Variants in UNC5C observed in about 807,000 individuals in gnomAD.
UNC5C encodes the protein unc-5 netrin receptor C.
UNC5C carries 47 observed loss-of-function variants against 99.8 expected under a neutral mutation model. The observed-to-expected ratio is 0.47, with a 90% CI of 0.37 to 0.60. The LOEUF (loss-of-function observed/expected upper bound fraction) is 0.60, where lower values mean the gene tolerates loss of function less well. Among genes scored for constraint, UNC5C ranks in the 20% least tolerant of loss-of-function variants. The pLI, the probability that UNC5C is intolerant of heterozygous loss-of-function variation, is 0.00. For missense variants in UNC5C, 1,062 were observed against 1,165.9 expected (o/e 0.91, Z 1.30); for synonymous variants, 487 against 452.2 (o/e 1.08, Z -0.98).
At chr4:95,179,272 CAGA>C (rs1471611094) in intron 14 of UNC5C, among the ~76,000 whole-genome samples, 1 of 152,156 alleles carries the variant, frequency 6.6e-6, no homozygotes, top group Non-Finnish European at 1.5e-5. Context: ...TTATGGAAAG[CAGA>C]AGATGTAAAC....
intron 1 of UNC5C, among the ~76,000 whole-genome samples, chr4:95,371,423 TG>T (rs750299959): frequency 2.9e-4 from 9 of 30,928 alleles, no homozygotes; most frequent in East Asian, 4.9e-3. Context: ...GTATATTTTG[TG>T]GGGGGGGGGG....
At chr4:95,384,387 A>G (rs1258820504) in intron 1 of UNC5C, among the ~76,000 whole-genome samples, 1 of 152,130 alleles carries the variant, frequency 6.6e-6, no homozygotes, top group Admixed American at 6.5e-5. Context: ...CATGCAGGGG[A>G]AAAGTTTAGA....
At position 95,242,568 on chromosome 4, in the gene UNC5C, G is replaced by A. The variant is rs767565202; in HGVS notation, c.969C>T (p.Ser323=). 1.9e-6 allele frequency: 3 copies of A among 1,594,476 alleles called. No homozygotes were observed. Among genetic ancestry groups the A allele is most frequent in the South Asian group, 2.3e-5 (2 of 88,452 alleles). ...ACTCAGTTCCACAAGTAGACCACTT[G>A]CTCCATGGCGTCCACCTGCCATCCA... is the stretch of plus-strand genomic sequence containing the variant. The part of the protein sequence containing the change: ...CPVDGRWTPW[S]KWSTCGTECT... The change falls in exon 7 of 16, where the codon AGC becomes AGT. Residue 323 remains serine, a synonymous_variant. Transcript: ENST00000453304.
At position 95,168,224 on chromosome 4, in the gene UNC5C, A is replaced by C. The variant is rs150436497; in HGVS notation, c.*1010T>G. On this transcript the variant is annotated 3_prime_UTR_variant, in exon 16 of 16. Coordinates refer to ENST00000453304, the MANE Select transcript of UNC5C (RefSeq NM_003728.4). Reference sequence around the variant, plus strand: ...GAACAGACTGACAAAGCCATTCAGCATTTATCAATCACCTTTCTGGGGTGG... The same window carrying C: ...GAACAGACTGACAAAGCCATTCAGCCTTTATCAATCACCTTTCTGGGGTGG... The C allele has an allele frequency of 1.1e-3, 167 of 152,348 alleles. No individual in the cohort carries two copies. Among genetic ancestry groups the C allele is most frequent in the African/African-American group, 3.7e-3 (152 of 41,580 alleles). The allele number at this position is 152,348 out of a possible 1,614,324, so 9.4% of individuals were successfully genotyped here. A position where few individuals can be genotyped will look rare whatever the true frequency, so the allele number is the denominator to read the frequency against.
intron 1 of UNC5C, among the ~76,000 whole-genome samples, chr4:95,420,311 T>G (rs1746280735): frequency 6.6e-6 from 1 of 152,162 alleles, no homozygotes; most frequent in South Asian, 2.1e-4. Flanking sequence ...CCAGGAAGGT[T>G]TAGTCTACTG....
chr4:95,344,273 G>A (rs1310419022), intron 1 of UNC5C, among the ~76,000 whole-genome samples: 1 of 152,050 alleles, frequency 6.6e-6, no homozygotes, highest in African/African-American at 2.4e-5. Context: ...TACAGGCCAG[G>A]ATAGAGTGGC....
chr4:95,207,725 G>A (rs1382091214), intron 10 of UNC5C, among the ~76,000 whole-genome samples: 4 of 152,058 alleles, frequency 2.6e-5, no homozygotes, highest in South Asian at 4.2e-4. Context: ...GAAGTCATTC[G>A]GCAGCACCTT....
intron 1 of UNC5C, among the ~76,000 whole-genome samples, chr4:95,518,078 C>T (rs989530933): frequency 4.6e-5 from 7 of 152,064 alleles, no homozygotes; most frequent in African/African-American, 7.2e-5. Flanking sequence ...AGATAGTGAA[C>T]GTGTTATTCA....
intron 2 of UNC5C, among the ~76,000 whole-genome samples, chr4:95,317,460 G>C (rs1000105910): frequency 6.6e-6 from 1 of 150,932 alleles, no homozygotes; most frequent in Non-Finnish European, 1.5e-5. Flanking sequence ...GTATATGTGC[G>C]TGTGTAAAGG....
chr4:95,441,427 G>C (rs902024295), intron 1 of UNC5C, among the ~76,000 whole-genome samples: 2 of 152,110 alleles, frequency 1.3e-5, no homozygotes, highest in African/African-American at 4.8e-5. Flanking sequence ...GAATAACGAA[G>C]GAGGACTCTG....
intron 1 of UNC5C, among the ~76,000 whole-genome samples, chr4:95,484,814 CA>C (rs1485778939): frequency 4.6e-4 from 70 of 151,928 alleles, no homozygotes; most frequent in African/African-American, 1.2e-3. Flanking sequence ...TCTGAGATGA[CA>C]GTGGCTTGGA....
chr4:95,181,107 C>T (rs1736594383), intron 14 of UNC5C, among the ~76,000 whole-genome samples: 1 of 152,158 alleles, frequency 6.6e-6, no homozygotes, highest in Admixed American at 6.5e-5. Flanking sequence ...GGAAAAGCCG[C>T]AGAGTGCCCC....
At chr4:95,179,171 C>CGTGG in intron 14 of UNC5C, among the ~76,000 whole-genome samples, 1 of 152,296 alleles carries the variant, frequency 6.6e-6, no homozygotes, top group South Asian at 2.1e-4. Flanking sequence ...CAGGACTCCA[C>CGTGG]AGTCCTGAAA....
At chr4:95,345,841 G>A (rs1386836001) in intron 1 of UNC5C, among the ~76,000 whole-genome samples, 1 of 151,858 alleles carries the variant, frequency 6.6e-6, no homozygotes, top group Non-Finnish European at 1.5e-5. Flanking sequence ...AAACCTATGG[G>A]ATATGGCAAA....
Position 95,170,186 on chromosome 4 carries a change from C to T in UNC5C, c.2598G>A (p.Trp866Ter), listed in dbSNP as rs749626575. Residue 866 changes from tryptophan to a stop codon, truncating the protein, a stop_gained, in exon 15 of 16, where the codon TGG becomes TGA. Transcript: ENST00000453304. LOFTEE classifies it high-confidence loss of function. ...LDAPQTRGHD[W>*]RMLAHKLNLD... ...GGTTCAGCTTATGGGCCAGCATCCT[C>T]CAGTCATGGCCTCTCGTCTGGGGGG... is the stretch of plus-strand genomic sequence containing the variant. The T allele has an allele frequency of 6.2e-7, 1 of 1,614,150 alleles. No individual in the cohort carries two copies. Among genetic ancestry groups the T allele is most frequent in the Non-Finnish European group, 8.5e-7 (1 of 1,180,024 alleles).
intron 12 of UNC5C, among the ~76,000 whole-genome samples, chr4:95,191,348 T>A (rs534645969): frequency 1.3e-5 from 2 of 152,184 alleles, no homozygotes; most frequent in Admixed American, 1.3e-4. Context: ...GAGTGGCATA[T>A]ACTTGGATGC....
At chr4:95,425,210 T>A (rs1272155773) in intron 1 of UNC5C, among the ~76,000 whole-genome samples, 1 of 152,228 alleles carries the variant, frequency 6.6e-6, no homozygotes, top group Non-Finnish European at 1.5e-5. Flanking sequence ...CTATATTATC[T>A]CAGATTTACA....
At chr4:95,274,600 C>G (rs939963992) in intron 4 of UNC5C, among the ~76,000 whole-genome samples, 9 of 152,112 alleles carry the variant, frequency 5.9e-5, no homozygotes, top group African/African-American at 2.2e-4. Context: ...TTGTCACACT[C>G]TTTCCCTGGG....
At chr4:95,477,746 T>C (rs1220628113) in intron 1 of UNC5C, among the ~76,000 whole-genome samples, 3 of 151,942 alleles carry the variant, frequency 2.0e-5, no homozygotes, top group Admixed American at 2.0e-4. Context: ...AAAAGCAGGA[T>C]TTTCATGAAG....
Sources: allele counts gnomAD v4.1 joint callset (sites outside exome capture counted in the v4.1 genomes callset), GRCh38; gene constraint gnomAD v4.1.1; transcripts MANE v1.5; gene names NCBI Gene and HGNC (gene_info 2026-07-23, HGNC 2026-07-21).